Variants in DIAPH2 observed in about 807,000 individuals in gnomAD.
DIAPH2 encodes diaphanous related formin 2, also known as protein diaphanous homolog 2.
DIAPH2 carries 35 observed loss-of-function variants against 92.7 expected under a neutral mutation model. That is an observed-to-expected ratio of 0.38 (90% CI 0.29 to 0.50). DIAPH2 has a LOEUF of 0.50. Among genes scored for constraint, DIAPH2 ranks in the 20% least tolerant of loss-of-function variants. The pLI is 0.94. For synonymous variants in DIAPH2, 301 were observed against 280.4 expected (o/e 1.07, Z -0.73); for missense variants, 701 against 819.5 (o/e 0.86, Z 1.77).
Position 97,085,957 on chromosome X carries a change from G to A in DIAPH2, c.2247+10696G>A, listed in dbSNP as rs73632877. Among the ~76,000 whole-genome samples the A allele has an allele frequency of 5.4e-3, 603 of 111,680 alleles. 3 individuals carry two copies. The highest frequency in any genetic ancestry group is 0.019 in the African/African-American group (579 of 30,722). ...CAGCAGGCAAAGGGGAGAGTTGTTA[G>A]ATGGGAGTAACCTATAGAGGTATCA... On this transcript the variant is annotated intron_variant, in intron 19 of 26. Coordinates refer to ENST00000324765, the MANE Select transcript of DIAPH2 (RefSeq NM_006729.5).
intron 21 of DIAPH2, among the ~76,000 whole-genome samples, chrX:97,129,755 G>A (rs1012245874): frequency 9.1e-6 from 1 of 110,436 alleles, no homozygotes; most frequent in Non-Finnish European, 1.9e-5. Flanking sequence ...CTTAGGTAAG[G>A]ACCCTGGAGA....
At chrX:97,576,450 A>C (rs1227801950) in intron 26 of DIAPH2, among the ~76,000 whole-genome samples, 1 of 112,144 alleles carries the variant, frequency 8.9e-6, no homozygotes, top group Non-Finnish European at 1.9e-5. Context: ...GAAAGATTAA[A>C]GAAATAATTT....
chrX:97,164,852 G>T (rs1361051130), intron 22 of DIAPH2, among the ~76,000 whole-genome samples: 1 of 112,439 alleles, frequency 8.9e-6, no homozygotes, highest in Admixed American at 9.4e-5. Flanking sequence ...CACAAGGTTT[G>T]CCGTATGGTC....
At chrX:97,414,127 G>A (rs2069912296) in intron 25 of DIAPH2, among the ~76,000 whole-genome samples, 1 of 111,665 alleles carries the variant, frequency 9.0e-6, no homozygotes, top group Admixed American at 9.5e-5. Flanking sequence ...CAAAGCTGGA[G>A]GCATCACACT....
intron 3 of DIAPH2, among the ~76,000 whole-genome samples, chrX:96,751,652 G>GTTTTTTTTTTTTTTTTTTTTTTTT (rs1219167141): frequency 8.3e-5 from 5 of 60,312 alleles, no homozygotes; most frequent in African/African-American, 3.2e-4. Context: ...TCAGTGTTTT[G>GTTTTTTTTTTTTTTTTTTTTTTTT]TTTTTTTTTT....
intron 23 of DIAPH2, among the ~76,000 whole-genome samples, chrX:97,275,584 G>T (rs774044924): frequency 9.9e-6 from 1 of 100,604 alleles, no homozygotes; most frequent in East Asian, 3.4e-4. Context: ...GGGCAGAGGG[G>T]CTCCTCACTT....
At chrX:97,311,555 GTCT>G (rs760569152) in intron 23 of DIAPH2, among the ~76,000 whole-genome samples, 7 of 110,987 alleles carry the variant, frequency 6.3e-5, no homozygotes, top group Middle Eastern at 4.6e-3. Flanking sequence ...AGTCAAAGCT[GTCT>G]TCTTGTGCTG....
At chrX:97,097,048 T>A (rs1471068274) in intron 19 of DIAPH2, among the ~76,000 whole-genome samples, 2 of 111,555 alleles carry the variant, frequency 1.8e-5, no homozygotes, top group Non-Finnish European at 3.8e-5. Flanking sequence ...ATGCTTTTGA[T>A]GAGTAGGTGA....
At chrX:96,997,555 T>C (rs2066112939) in intron 17 of DIAPH2, among the ~76,000 whole-genome samples, 1 of 111,885 alleles carries the variant, frequency 8.9e-6, no homozygotes, top group Admixed American at 9.5e-5. Context: ...TAGTATTCAA[T>C]TCTGTTAAAC....
chrX:96,876,925 C>A (rs1037924219), intron 4 of DIAPH2, among the ~76,000 whole-genome samples: 2 of 110,925 alleles, frequency 1.8e-5, no homozygotes, highest in African/African-American at 6.5e-5. Context: ...AAAAATTTTT[C>A]AATGCAAATT....
At chrX:97,472,141 G>C (rs2070569181) in intron 26 of DIAPH2, among the ~76,000 whole-genome samples, 1 of 112,170 alleles carries the variant, frequency 8.9e-6, no homozygotes, top group Admixed American at 9.4e-5. Flanking sequence ...GATATAATTT[G>C]TAGAAATAGT....
chrX:97,146,265 A>T (rs1054909527), intron 22 of DIAPH2, among the ~76,000 whole-genome samples: 2 of 109,191 alleles, frequency 1.8e-5, no homozygotes, highest in Admixed American at 2.0e-4. Flanking sequence ...ACACTATATA[A>T]TTCATTTTAT....
intron 4 of DIAPH2, among the ~76,000 whole-genome samples, chrX:96,765,463 T>A (rs2064297472): frequency 9.0e-6 from 1 of 111,255 alleles, no homozygotes; most frequent in South Asian, 3.8e-4. Context: ...CCTCTTAAAG[T>A]GCTGAGATTA....
At chrX:97,324,581 C>T (rs1438699398) in intron 23 of DIAPH2, among the ~76,000 whole-genome samples, 2 of 111,448 alleles carry the variant, frequency 1.8e-5, no homozygotes, top group African/African-American at 6.5e-5. Context: ...AGCTAATAAA[C>T]AGATTGTGAT....
At chrX:97,268,368 A>C (rs1157810951) in intron 23 of DIAPH2, among the ~76,000 whole-genome samples, 1 of 112,571 alleles carries the variant, frequency 8.9e-6, no homozygotes, top group African/African-American at 3.2e-5. Flanking sequence ...TTTAATTGTA[A>C]TTCAAATCAT....
intron 5 of DIAPH2, among the ~76,000 whole-genome samples, chrX:96,897,711 A>T (rs2147766262): frequency 2.7e-5 from 3 of 109,468 alleles, no homozygotes; most frequent in Non-Finnish European, 3.8e-5. Flanking sequence ...ATTTTTTTTC[A>T]ATTTTTTTAA....
At chrX:97,343,204 T>C (rs994380268) in intron 23 of DIAPH2, among the ~76,000 whole-genome samples, 3 of 111,444 alleles carry the variant, frequency 2.7e-5, no homozygotes, top group African/African-American at 9.8e-5. Context: ...ATGTAGACAG[T>C]TGATTATGAA....
intron 19 of DIAPH2, among the ~76,000 whole-genome samples, chrX:97,076,868 A>G (rs2066708573): frequency 9.0e-6 from 1 of 110,777 alleles, no homozygotes; most frequent in East Asian, 2.8e-4. Flanking sequence ...GTATCTGTAT[A>G]TTTTACCCAT....
chrX:97,345,685 A>C (rs1211896789), intron 23 of DIAPH2, among the ~76,000 whole-genome samples: 1 of 112,047 alleles, frequency 8.9e-6, no homozygotes, highest in Non-Finnish European at 1.9e-5. Flanking sequence ...CATCTAGAGA[A>C]ATTTTACTTC....
Sources: allele counts gnomAD v4.1 joint callset (sites outside exome capture counted in the v4.1 genomes callset), GRCh38; gene constraint gnomAD v4.1.1; transcripts MANE v1.5; gene names NCBI Gene and HGNC (gene_info 2026-07-23, HGNC 2026-07-21).